SBF2: variants seen among roughly 807,000 people sequenced by gnomAD.
SBF2 encodes the protein myotubularin-related protein 13.
SBF2 carries 112 observed loss-of-function variants against 225.2 expected under a neutral mutation model. The observed-to-expected ratio is 0.50, with a 90% CI of 0.43 to 0.58. The LOEUF (loss-of-function observed/expected upper bound fraction) is 0.58. Among genes scored for constraint, SBF2 ranks in the 20% least tolerant of loss-of-function variants. The pLI is 0.00. For synonymous variants in SBF2, 763 were observed against 773.3 expected (o/e 0.99, Z 0.22); for missense variants, 1,996 against 2,206.2 (o/e 0.90, Z 1.91).
At position 10,028,525 on chromosome 11, in the gene SBF2, CT is replaced by C. The variant is rs1949131186; in HGVS notation, c.545del (p.Gln182ArgfsTer2). 6.2e-7 allele frequency: 1 copy of C among 1,613,522 alleles called. No homozygotes were observed. Among genetic ancestry groups the C allele is most frequent in the Non-Finnish European group, 8.5e-7 (1 of 1,179,528 alleles). On this transcript the variant is annotated frameshift_variant, in exon 6 of 40. Coordinates refer to ENST00000256190, the MANE Select transcript of SBF2 (RefSeq NM_030962.4). LOFTEE classifies it high-confidence loss of function. ...KLFSLGAGDR[Q>X]LIQTPLHDSL... ...TATCATGTAAAGGAGTCTGGATCAACTGTCTATCTCCTGCACCCAAAGAAAA... is the reference window on the plus strand; with the variant it reads ...TATCATGTAAAGGAGTCTGGATCAACGTCTATCTCCTGCACCCAAAGAAAA...
In SBF2 at chr11:9,856,488, T is replaced by C; in HGVS notation, c.2333A>G (p.Glu778Gly). 1.2e-6 allele frequency: 2 copies of C among 1,614,192 alleles called. No homozygotes were observed. Among genetic ancestry groups the C allele is most frequent in the Non-Finnish European group, 8.5e-7 (1 of 1,180,042 alleles). The change falls in exon 19 of 40, where the codon GAG becomes GGG. Residue 778 changes from glutamate to glycine, a missense_variant. Physicochemically the swap from Glu to Gly is moderately conservative, Grantham distance 98 (BLOSUM62 -2). Coordinates refer to ENST00000256190, the MANE Select transcript of SBF2 (RefSeq NM_030962.4). ...LLRTSAPGDW[E>G]SGSNSIVTNS... ...TGTGACAATGCTGTTGCTTCCGCTCTCCCAGTCACCTGGCGCTGATGTTCT... is the reference window on the plus strand; with the variant it reads ...TGTGACAATGCTGTTGCTTCCGCTCCCCCAGTCACCTGGCGCTGATGTTCT...
At chr11:10,052,144 T>C (rs1175606005) in intron 2 of SBF2, among the ~76,000 whole-genome samples, 1 of 129,758 alleles carries the variant, frequency 7.7e-6, no homozygotes, top group Non-Finnish European at 1.7e-5. Context: ...CCCAGTGTCT[T>C]TATAGGCAAA....
chr11:9,951,633 C>A (rs1865867063), intron 16 of SBF2, among the ~76,000 whole-genome samples: 1 of 152,158 alleles, frequency 6.6e-6, no homozygotes, highest in Non-Finnish European at 1.5e-5. Flanking sequence ...TACTTAATTT[C>A]TTTAAGTCTA....
At chr11:10,178,477 G>T (rs928329323) in intron 2 of SBF2, among the ~76,000 whole-genome samples, 9 of 147,356 alleles carry the variant, frequency 6.1e-5, no homozygotes, top group African/African-American at 2.3e-4. Flanking sequence ...AATCTACAAT[G>T]AACTCAAACA....
At chr11:9,790,808 G>T in intron 33 of SBF2, 125 bp from the exon 34 acceptor site, 1 of 729,894 alleles carries the variant, frequency 1.4e-6, no homozygotes, top group Non-Finnish European at 2.3e-6. Context: ...AGCAACATTT[G>T]TGTGAAAACC....
intron 13 of SBF2, among the ~76,000 whole-genome samples, chr11:9,979,376 A>G (rs1946842159): frequency 6.6e-6 from 1 of 152,222 alleles, no homozygotes; most frequent in Non-Finnish European, 1.5e-5. Flanking sequence ...ATGTTTATAC[A>G]TGAACTCAAT....
At chr11:10,018,880 G>C (rs937785727) in intron 6 of SBF2, among the ~76,000 whole-genome samples, 4 of 152,096 alleles carry the variant, frequency 2.6e-5, no homozygotes, top group African/African-American at 7.2e-5. Context: ...CTAAAACCCT[G>C]TTCTCAGGCT....
At chr11:9,978,074 C>T (rs1183646597) in intron 13 of SBF2, among the ~76,000 whole-genome samples, 1 of 152,060 alleles carries the variant, frequency 6.6e-6, no homozygotes, top group Non-Finnish European at 1.5e-5. Context: ...TCTTGCTTAT[C>T]AAAAGGGAAT....
At chr11:10,254,026 C>T (rs1054582607) in intron 1 of SBF2, among the ~76,000 whole-genome samples, 46 of 152,116 alleles carry the variant, frequency 3.0e-4, no homozygotes, top group African/African-American at 1.0e-3. Flanking sequence ...GGAACCCTTA[C>T]ACACTGTTGG....
chr11:10,065,691 C>T (rs1950600576), intron 2 of SBF2, among the ~76,000 whole-genome samples: 1 of 152,152 alleles, frequency 6.6e-6, no homozygotes, highest in Non-Finnish European at 1.5e-5. Context: ...GTGACGCACG[C>T]CTGTAATCCC....
chr11:9,903,344 G>A (rs1861877966), intron 16 of SBF2, among the ~76,000 whole-genome samples: 1 of 151,724 alleles, frequency 6.6e-6, no homozygotes, highest in African/African-American at 2.4e-5. Flanking sequence ...AAAGAAAAGG[G>A]AAACAATCAG....
chr11:10,294,696 G>C (rs1439126526), upstream of SBF2, among the ~76,000 whole-genome samples: 3 of 152,226 alleles, frequency 2.0e-5, no homozygotes, highest in East Asian at 3.8e-4. Context: ...CGAGCAGACG[G>C]GGGAGGGAGA....
Position 10,243,415 on chromosome 11 carries a change from G to GA in SBF2, c.56-49429dup, listed in dbSNP as rs199637806. On this transcript the variant is annotated intron_variant, in intron 1 of 39. Transcript: ENST00000256190. Reference sequence around the variant, plus strand: ...CCTAACATTATACCTTAAGGGTCTAGAAAAAAAAGAACACACCAAACCTAA... The same window carrying GA: ...CCTAACATTATACCTTAAGGGTCTAGAAAAAAAAAGAACACACCAAACCTAA... 8.1e-4 allele frequency among the ~76,000 whole-genome samples: 120 copies of GA among 148,262 alleles called. 1 individual carries two copies. Among genetic ancestry groups the GA allele is most frequent in the African/African-American group, 2.4e-3 (96 of 40,428 alleles).
chr11:9,897,341 G>A (rs1018640071), intron 16 of SBF2, among the ~76,000 whole-genome samples: 2 of 152,092 alleles, frequency 1.3e-5, no homozygotes, highest in South Asian at 2.1e-4. Context: ...AGGTTAAAGC[G>A]ATTCTCATGC....
At chr11:9,872,537 CA>C (rs1434954637) in intron 17 of SBF2, among the ~76,000 whole-genome samples, 1 of 151,942 alleles carries the variant, frequency 6.6e-6, no homozygotes, top group Non-Finnish European at 1.5e-5. Flanking sequence ...ATATTGATAG[CA>C]AATACAAACA....
At chr11:9,798,961 A>AC (rs906141497) in intron 32 of SBF2, among the ~76,000 whole-genome samples, 1 of 151,582 alleles carries the variant, frequency 6.6e-6, no homozygotes, top group African/African-American at 2.4e-5. Context: ...CAAAAAAAAA[A>AC]AAAACCAAAA....
At chr11:9,931,389 C>T (rs948950302) in intron 16 of SBF2, among the ~76,000 whole-genome samples, 1 of 152,218 alleles carries the variant, frequency 6.6e-6, no homozygotes, top group African/African-American at 2.4e-5. Flanking sequence ...GGGTGCCCCT[C>T]TGGGACGAAG....
At chr11:9,959,212 GGCAT>G in intron 16 of SBF2, 1 of 779,906 alleles carries the variant, frequency 1.3e-6, no homozygotes, top group Non-Finnish European at 2.4e-6. Context: ...CCACTGGGCA[GGCAT>G]GACCTCAGCA....
rs546228777 is a variant in SBF2 at position 10,240,922 on chromosome 11, G to T, written c.56-46935C>A. On this transcript the variant is annotated intron_variant, in intron 1 of 39. Coordinates refer to ENST00000256190, the MANE Select transcript of SBF2 (RefSeq NM_030962.4). ...TTGATTATTTGCATAAGGAATATAA[G>T]AATACTTAGAGGAATATTAGTGTTT... Among the ~76,000 whole-genome samples, 244 of 152,254 alleles carry T rather than the reference G, an allele frequency of 1.6e-3. 1 individual carries two copies. The highest frequency in any genetic ancestry group is 5.5e-3 in the African/African-American group (229 of 41,538).
Sources: gnomAD v4.1 joint callset for allele counts (sites outside exome capture counted in the v4.1 genomes callset) on GRCh38, gnomAD v4.1.1 for gene constraint, MANE v1.5 for transcripts, NCBI Gene and HGNC (gene_info 2026-07-23, HGNC 2026-07-21) for gene names.